ANO2: variants seen among roughly 807,000 people sequenced by gnomAD.
ANO2 encodes anoctamin 2, also known as anoctamin-2.
Under a neutral mutation model 124.2 loss-of-function variants are expected in ANO2, and 101 were observed. That is an observed-to-expected ratio of 0.81 (90% CI 0.69 to 0.96). The LOEUF (loss-of-function observed/expected upper bound fraction) is 0.96. Ranked by LOEUF, ANO2 falls within the 40% of genes least tolerant of loss-of-function variation. The pLI, the probability that ANO2 is intolerant of heterozygous loss-of-function variation, is 0.00. For missense variants in ANO2, 1,293 were observed against 1,274.5 expected, an observed-to-expected ratio of 1.01 and a Z score of -0.22; for synonymous variants, 486 against 482.5, an observed-to-expected ratio of 1.01 and a Z score of -0.09.
intron 3 of ANO2, among the ~76,000 whole-genome samples, chr12:5,919,034 C>T (rs1388017772): frequency 2.0e-5 from 3 of 152,232 alleles, no homozygotes; most frequent in Middle Eastern, 3.4e-3. Flanking sequence ...GGATGTGCAG[C>T]GAGCCAAACA....
intron 3 of ANO2, among the ~76,000 whole-genome samples, chr12:5,888,602 T>C (rs996547256): frequency 3.9e-5 from 6 of 152,078 alleles, no homozygotes; most frequent in African/African-American, 1.2e-4. Context: ...CCCACTAGAT[T>C]AGCTAGACAC....
At chr12:5,759,176 A>G (rs1951665794) in intron 10 of ANO2, among the ~76,000 whole-genome samples, 1 of 151,392 alleles carries the variant, frequency 6.6e-6, no homozygotes, top group African/African-American at 2.4e-5. Context: ...ACAACAAAAC[A>G]CAAATCAACA....
intron 20 of ANO2, among the ~76,000 whole-genome samples, chr12:5,591,310 C>T (rs145830245): frequency 1.4e-3 from 214 of 152,104 alleles, no homozygotes; most frequent in African/African-American, 4.8e-3. Context: ...GTGGGAAGTG[C>T]GGATGATTTT....
At chr12:5,821,759 G>A (rs751430606) in intron 7 of ANO2, among the ~76,000 whole-genome samples, 2 of 152,186 alleles carry the variant, frequency 1.3e-5, no homozygotes, top group Non-Finnish European at 2.9e-5. Context: ...AATGAACTGG[G>A]TGCCTTCTGA....
chr12:5,846,664 C>A (rs1017555454), intron 4 of ANO2, among the ~76,000 whole-genome samples: 4 of 152,184 alleles, frequency 2.6e-5, no homozygotes, highest in Non-Finnish European at 4.4e-5. Flanking sequence ...CTTGACTCTT[C>A]CAGCTTTGGA....
intron 3 of ANO2, among the ~76,000 whole-genome samples, chr12:5,891,150 T>A (rs1939361428): frequency 6.6e-6 from 1 of 152,108 alleles, no homozygotes; most frequent in Non-Finnish European, 1.5e-5. Context: ...ACTCAAGCAG[T>A]CCAAAACCCA....
chr12:5,888,652 T>G (rs1444394664), intron 3 of ANO2, among the ~76,000 whole-genome samples: 1 of 152,080 alleles, frequency 6.6e-6, no homozygotes, highest in Non-Finnish European at 1.5e-5. Context: ...CCCACTAGAT[T>G]AGCTAGATAC....
intron 21 of ANO2, 95 bp from the exon 22 acceptor site, chr12:5,578,102 C>T (rs550904163): frequency 1.2e-4 from 178 of 1,461,400 alleles, no homozygotes; most frequent in East Asian, 9.1e-4. Flanking sequence ...AGGTGAACTA[C>T]GGAGCAGCTT....
chr12:5,840,495 A>G (rs1250070124), intron 4 of ANO2, among the ~76,000 whole-genome samples: 1 of 152,120 alleles, frequency 6.6e-6, no homozygotes, highest in African/African-American at 2.4e-5. Flanking sequence ...CACTGTCCCC[A>G]TTTTACAGAT....
Position 5,941,845 on chromosome 12 carries a change from G to C in ANO2, c.22+3351C>G, listed in dbSNP as rs187907731. Among the ~76,000 whole-genome samples the C allele has an allele frequency of 5.3e-5, 8 of 152,330 alleles. No homozygotes were observed. The East Asian group carries it at 1.5e-3, about 29-fold the overall frequency. Reference sequence around the variant, plus strand: ...CTCGTCAAAACAATGGAGACCAAAAGAGTGATACCCAGAGGGCTGGGGCTG... The same window carrying C: ...CTCGTCAAAACAATGGAGACCAAAACAGTGATACCCAGAGGGCTGGGGCTG... On this transcript the variant is annotated intron_variant, in intron 1 of 24. Transcript: ENST00000682330.
rs750677510 is a variant in ANO2 at position 5,922,703 on chromosome 12, C to A, written c.124G>T (p.Gly42Cys). Residue 42 changes from glycine (G) to cysteine (C), a missense_variant, in exon 2 of 25, where the codon GGT (glycine) becomes TGT (cysteine). Physicochemically the swap from Gly to Cys is radical, Grantham distance 159. Transcript: ENST00000682330. ...KHGQQCLKMP[G>C]PRAPGLQGGS... ...CCCTGCAGACCTGGGGCCCGGGGACCTGGCATCTTGAGACACTGCTGTCCA... is the reference window on the plus strand; with the variant it reads ...CCCTGCAGACCTGGGGCCCGGGGACATGGCATCTTGAGACACTGCTGTCCA... 1.3e-6 allele frequency: 2 copies of A among 1,594,588 alleles called. No individual in the cohort carries two copies. The highest frequency in any genetic ancestry group is 2.3e-5 in the South Asian group (2 of 87,646).
intron 16 of ANO2, among the ~76,000 whole-genome samples, chr12:5,622,148 G>A (rs1245638863): frequency 2.6e-5 from 4 of 152,162 alleles, no homozygotes; most frequent in African/African-American, 7.2e-5. Flanking sequence ...AGGATGAGAT[G>A]TGGAGTGGCA....
In ANO2 at chr12:5,922,588, A is replaced by AT. The variant is rs1941758736; in HGVS notation, c.207+31dup. 4.7e-6 allele frequency: 7 copies of AT among 1,496,724 alleles called. No homozygotes were observed. The African/African-American group carries it at 7.3e-5, about 16-fold the overall frequency. 92.7% of individuals were successfully genotyped at this position (1,496,724 alleles called of 1,614,324 possible). Reference sequence around the variant, plus strand: ...TGGTGGCCTGCAACAGGGCTGGCCTATCCCCCCACCCCACCCCCGCCCAGT... The same window carrying AT: ...TGGTGGCCTGCAACAGGGCTGGCCTATTCCCCCCACCCCACCCCCGCCCAGT... On this transcript the variant is annotated intron_variant, in intron 2 of 24. Transcript: ENST00000682330.
chr12:5,799,160 T>C (rs1952961496), intron 10 of ANO2, among the ~76,000 whole-genome samples: 1 of 152,198 alleles, frequency 6.6e-6, no homozygotes, highest in Non-Finnish European at 1.5e-5. Flanking sequence ...AACCCAACAA[T>C]CAGCTTCATC....
At chr12:5,893,338 G>C (rs1486751938) in intron 3 of ANO2, among the ~76,000 whole-genome samples, 1 of 151,974 alleles carries the variant, frequency 6.6e-6, no homozygotes, top group Middle Eastern at 3.2e-3. Context: ...CACAAATGAT[G>C]CATCCAACAA....
intron 3 of ANO2, among the ~76,000 whole-genome samples, chr12:5,863,621 T>C (rs1160663704): frequency 1.3e-5 from 2 of 152,218 alleles, no homozygotes; most frequent in African/African-American, 4.8e-5. Context: ...GTTCATTTTC[T>C]TGATTACAAG....
At chr12:5,571,407 G>A (rs770502180) in intron 23 of ANO2, among the ~76,000 whole-genome samples, 3 of 152,242 alleles carry the variant, frequency 2.0e-5, no homozygotes, top group African/African-American at 4.8e-5. Flanking sequence ...GGCAGCCGGA[G>A]ACTTGTGCTA....
intron 10 of ANO2, among the ~76,000 whole-genome samples, chr12:5,788,385 C>T (rs1225265490): frequency 1.3e-5 from 2 of 152,348 alleles, no homozygotes; most frequent in Non-Finnish European, 2.9e-5. Flanking sequence ...ATAGCTCTCA[C>T]TTTCACTAGA....
chr12:5,844,315 C>T (rs781334314), intron 4 of ANO2, among the ~76,000 whole-genome samples: 7 of 152,082 alleles, frequency 4.6e-5, no homozygotes, highest in East Asian at 1.9e-4. Flanking sequence ...AGAGAAAGCC[C>T]GGTGACATTA....
Sources: gnomAD v4.1 joint callset for allele counts (sites outside exome capture counted in the v4.1 genomes callset) on GRCh38, gnomAD v4.1.1 for gene constraint, MANE v1.5 for transcripts, NCBI Gene and HGNC (gene_info 2026-07-23, HGNC 2026-07-21) for gene names.